TMEM150B: variants seen among roughly 807,000 people sequenced by gnomAD.
The protein encoded by TMEM150B is modulator of macroautophagy TMEM150B.
A neutral mutation model predicts 25.2 loss-of-function variants in TMEM150B; 33 were observed. The observed-to-expected ratio is 1.31, with a 90% CI of 0.99 to 1.75. The LOEUF is 1.75. Among genes scored for constraint, TMEM150B ranks in the 40% most tolerant of loss-of-function variants. The pLI is 0.00. For missense variants in TMEM150B, 322 were observed against 306.1 expected (o/e 1.05, Z -0.39); for synonymous variants, 133 against 134.8 (o/e 0.99, Z 0.09).
At chr19:55,310,999 C>T (rs140097272), downstream of TMEM150B, among the ~76,000 whole-genome samples, 868 of 152,220 alleles carry the variant, frequency 5.7e-3, 8 homozygotes, top group African/African-American at 0.02. The surrounding 1 kb of genome is among the most constrained non-coding windows in gnomAD (Gnocchi z 5.0). Flanking sequence ...CTCCCTCTGT[C>T]GCTCAGGCTG....
intron 2 of TMEM150B, 61 bp from the exon 3 acceptor site, chr19:55,321,154 C>G: frequency 6.8e-7 from 1 of 1,465,156 alleles, no homozygotes; most frequent in Non-Finnish European, 9.0e-7. Context: ...AACCACTAGG[C>G]CCCGCTTGGC....
chr19:55,312,084 G>T, downstream of TMEM150B: 1 of 1,394,070 alleles, frequency 7.2e-7, no homozygotes, highest in East Asian at 2.9e-5. Flanking sequence ...CGGGGCCGGG[G>T]AGGGAGGGGA....
At chr19:55,318,626 A>T (rs1444174120) in intron 6 of TMEM150B, among the ~76,000 whole-genome samples, 1 of 151,872 alleles carries the variant, frequency 6.6e-6, no homozygotes, top group African/African-American at 2.4e-5. Context: ...ACAGAGCAAG[A>T]CTCCATCTCC....
rs540757247 is a variant in TMEM150B at position 55,317,374 on chromosome 19, G to A, written c.325-408C>T. On this transcript the variant is annotated intron_variant, in intron 6 of 7. Coordinates refer to ENST00000326652, the MANE Select transcript of TMEM150B (RefSeq NM_001282011.2). ...AATACTTAAAATTTTGGCCTGGTGC[G>A]GTGGCTCACATCTGTAATCCCAGCT... Among the ~76,000 whole-genome samples the A allele has an allele frequency of 3.9e-5, 6 of 152,166 alleles. No homozygotes were observed. In the East Asian group the frequency reaches 5.8e-4, roughly 15 times the overall value.
intron 6 of TMEM150B, among the ~76,000 whole-genome samples, chr19:55,318,636 C>T (rs2089087077): frequency 6.6e-6 from 1 of 151,956 alleles, no homozygotes; most frequent in African/African-American, 2.4e-5. Flanking sequence ...ACTCCATCTC[C>T]AATATATGTA....
At chr19:55,315,208 T>C (rs1436647756) in intron 7 of TMEM150B, among the ~76,000 whole-genome samples, 1 of 151,582 alleles carries the variant, frequency 6.6e-6, no homozygotes, top group Non-Finnish European at 1.5e-5. Context: ...CCCAGCTACT[T>C]GGGAGGCTGA....
intron 7 of TMEM150B, among the ~76,000 whole-genome samples, chr19:55,316,376 A>T (rs373310161): frequency 8.9e-4 from 136 of 152,184 alleles, no homozygotes; most frequent in African/African-American, 3.1e-3. Context: ...TTCCTGGCAC[A>T]GAGCAGGTGC....
chr19:55,320,006 C>A, intron 6 of TMEM150B, 33 bp downstream of exon 6: 1 of 1,613,538 alleles, frequency 6.2e-7, no homozygotes, highest in Non-Finnish European at 8.5e-7. Context: ...AGACGCCGGC[C>A]GGGACAGACC....
At chr19:55,310,690 G>A (rs559311623), downstream of TMEM150B, among the ~76,000 whole-genome samples, 6 of 152,256 alleles carry the variant, frequency 3.9e-5, no homozygotes, top group East Asian at 5.8e-4. This position sits in a 1 kb window ranked among gnomAD's most constrained non-coding sequence, Gnocchi z 5.0. Flanking sequence ...AGCCCCCCAC[G>A]ACAGCTGGGT....
intron 7 of TMEM150B, among the ~76,000 whole-genome samples, chr19:55,315,722 C>G (rs1386639402): frequency 1.3e-5 from 2 of 150,236 alleles, no homozygotes; most frequent in Non-Finnish European, 2.9e-5. Context: ...GATCACGCCA[C>G]TTCACTCCAG....
At position 55,317,894 on chromosome 19, in the gene TMEM150B, A is replaced by T. The variant is rs568795542; in HGVS notation, c.325-928T>A. On this transcript the variant is annotated intron_variant, in intron 6 of 7. Transcript: ENST00000326652. ...CTTAAGCCCAGGAAGCAGAGGTTGTAGTGAGCTGAGATGGCACCATCGCAC... is the reference window on the plus strand; with the variant it reads ...CTTAAGCCCAGGAAGCAGAGGTTGTTGTGAGCTGAGATGGCACCATCGCAC... Among the ~76,000 whole-genome samples, 3 of 152,046 alleles carry T rather than the reference A, an allele frequency of 2.0e-5. No individual in the cohort carries two copies. The South Asian group carries it at 6.2e-4, about 32-fold the overall frequency.
intron 6 of TMEM150B, 200 bp downstream of exon 6, chr19:55,319,839 C>CT: frequency 7.1e-7 from 1 of 1,411,104 alleles, no homozygotes; most frequent in African/African-American, 1.4e-5. Context: ...TACATACAAA[C>CT]AGCCTCGCTC....
chr19:55,314,600 C>T (rs564147915), intron 7 of TMEM150B, among the ~76,000 whole-genome samples: 1 of 152,256 alleles, frequency 6.6e-6, no homozygotes, highest in South Asian at 2.1e-4. Flanking sequence ...TTCCCTCCCC[C>T]ACCTACCCCA....
chr19:55,325,241 A>G, intron 1 of TMEM150B, 31 bp downstream of exon 1: 1 of 981,898 alleles, frequency 1.0e-6, no homozygotes, highest in Non-Finnish European at 1.2e-6. Flanking sequence ...CTGCCGAGCT[A>G]CTTTCAAGTT....
chr19:55,320,137 G>A lies in TMEM150B; in HGVS notation c.226C>T (p.Gln76Ter). Reference protein sequence around the residue: ...AAWICIVRYHQLRDWGVRRWP... With the variant: ...AAWICIVRYH ...CTTCTGACGCCCCAGTCCCGGAGCT[G>A]GTGGTAACGGACAATGCAGATCCAC... Residue 76 changes from glutamine to a stop codon, truncating the protein, a stop_gained, in exon 6 of 8, where the codon CAG becomes TAG. Coordinates refer to ENST00000326652, the MANE Select transcript of TMEM150B (RefSeq NM_001282011.2). LOFTEE classifies it high-confidence loss of function. 3 of 1,614,176 alleles carry A rather than the reference G, an allele frequency of 1.9e-6. No homozygotes were observed. Among genetic ancestry groups the A allele is most frequent in the Non-Finnish European group, 2.5e-6 (3 of 1,180,032 alleles).
At position 55,312,826 on chromosome 19, in the gene TMEM150B, C is replaced by A; in HGVS notation, c.*33G>T. ...GATTGGCCCCATCTTTCCTGCTTCA[C>A]TGGTGAGGGCAAGGCCCGGGTCAGG... On this transcript the variant is annotated 3_prime_UTR_variant, in exon 8 of 8. Transcript: ENST00000326652. 1 of 1,543,620 alleles carries A rather than the reference C, an allele frequency of 6.5e-7. No individual in the cohort carries two copies.
At chr19:55,315,032 T>C (rs2088949284) in intron 7 of TMEM150B, among the ~76,000 whole-genome samples, 1 of 152,106 alleles carries the variant, frequency 6.6e-6, no homozygotes, top group South Asian at 2.1e-4. Context: ...TTAATCACTG[T>C]AGGCTGGGCA....
chr19:55,324,712 T>G, intron 1 of TMEM150B: 8 of 984,962 alleles, frequency 8.1e-6, no homozygotes, highest in Non-Finnish European at 9.6e-6. Flanking sequence ...GTGGGGCTGA[T>G]AGAGGGCAAA....
intron 6 of TMEM150B, among the ~76,000 whole-genome samples, chr19:55,318,221 C>T (rs2089070405): frequency 6.6e-6 from 1 of 151,834 alleles, no homozygotes; most frequent in Non-Finnish European, 1.5e-5. Flanking sequence ...AGTAGCCGGG[C>T]GTGGTGGTGA....
Sources: allele counts gnomAD v4.1 joint callset (sites outside exome capture counted in the v4.1 genomes callset), GRCh38; gene constraint gnomAD v4.1.1; non-coding constraint Gnocchi (gnomAD v3.1); transcripts MANE v1.5; gene names NCBI Gene and HGNC (gene_info 2026-07-23, HGNC 2026-07-21).